RPS6KA4: variants seen among roughly 807,000 people sequenced by gnomAD.
RPS6KA4 encodes the protein ribosomal protein S6 kinase alpha-4.
In RPS6KA4, 38 loss-of-function variants were observed where a neutral mutation model predicts 89.6. The observed-to-expected ratio is 0.42, with a 90% confidence interval of 0.33 to 0.56. The LOEUF is 0.56. RPS6KA4 is among the 20% of genes least tolerant of loss of function. The pLI, the probability that RPS6KA4 is intolerant of heterozygous loss-of-function variation, is 0.07. For synonymous variants in RPS6KA4, 495 were observed against 492.8 expected, an observed-to-expected ratio of 1.00 and a Z score of -0.06; for missense variants, 873 against 1,098.8, an observed-to-expected ratio of 0.79 and a Z score of 2.90.
At chr11:64,362,148 T>G (rs1164095638) in intron 8 of RPS6KA4, 146 bp downstream of exon 8, 3 of 956,432 alleles carry the variant, frequency 3.1e-6, no homozygotes, top group Non-Finnish European at 4.6e-6. Flanking sequence ...AGGTTTCTCT[T>G]CACATCCATC....
rs372305454 is a variant in RPS6KA4, at chr11:64,361,411, G to T, written c.571-58G>T. 7.6e-6 allele frequency: 12 copies of T among 1,585,250 alleles called. No individual in the cohort carries two copies. The African/African-American group carries it at 1.1e-4, about 14-fold the overall frequency. On this transcript the variant is annotated intron_variant, in intron 5 of 16. Coordinates refer to ENST00000334205, the MANE Select transcript of RPS6KA4 (RefSeq NM_003942.3). This position sits in a 1 kb window ranked among gnomAD's most constrained non-coding sequence, Gnocchi z 4.7. ...GAGCGAGTCTTACTCTGGGCCTTGT[G>T]GGGCACTGGGGCACAGGAGAGGTTT...
In RPS6KA4 at chr11:64,359,186, C is replaced by A; in HGVS notation, c.-50C>A. On this transcript the variant is annotated 5_prime_UTR_variant, in exon 1 of 17. Transcript: ENST00000334205. ...CGCCCCGGCCGGAGCCGCCATGTAA[C>A]CGGCGCCGCCCGGAGCCCGAGCCGC... is the stretch of plus-strand genomic sequence containing the variant. 8.0e-7 allele frequency: 1 copy of A among 1,249,650 alleles called. No individual in the cohort carries two copies. Among genetic ancestry groups the A allele is most frequent in the Non-Finnish European group, 1.0e-6 (1 of 990,124 alleles). 77.4% of individuals were successfully genotyped at this position (1,249,650 alleles called of 1,614,324 possible).
At position 64,361,313 on chromosome 11, in the gene RPS6KA4, C is replaced by G; in HGVS notation, c.570+72C>G. On this transcript the variant is annotated intron_variant, in intron 5 of 16. Transcript: ENST00000334205. The surrounding 1 kb of genome is among the most constrained non-coding windows in gnomAD (Gnocchi z 4.7). Reference sequence around the variant, plus strand: ...CCTTCCTGCCTCTTCCTGCTCTGGGCCTGCATTCTGGGGCTGCAGAAGTGA... The same window carrying G: ...CCTTCCTGCCTCTTCCTGCTCTGGGGCTGCATTCTGGGGCTGCAGAAGTGA... 1 of 1,488,514 alleles carries G rather than the reference C, an allele frequency of 6.7e-7. No individual in the cohort carries two copies. Among genetic ancestry groups the G allele is most frequent in the Non-Finnish European group, 9.3e-7 (1 of 1,073,916 alleles). 92.2% of individuals were successfully genotyped at this position (1,488,514 alleles called of 1,614,324 possible).
At position 64,361,234 on chromosome 11, in the gene RPS6KA4, C is replaced by T. The variant is rs561332088; in HGVS notation, c.563C>T (p.Thr188Met). The T allele has an allele frequency of 5.6e-5, 91 of 1,613,018 alleles. No individual in the cohort carries two copies. The highest frequency in any genetic ancestry group is 1.3e-4 in the Admixed American group (8 of 59,990). The change falls in exon 5 of 17, where the codon ACG becomes ATG. Residue 188 changes from threonine (T) to methionine (M), a missense_variant. Around this residue, in one of 4 missense-constraint regions of RPS6KA4, gnomAD observed 542 missense variants for 736.4 expected, o/e 0.74. Coordinates refer to ENST00000334205, the MANE Select transcript of RPS6KA4 (RefSeq NM_003942.3). The surrounding 1 kb of genome is among the most constrained non-coding windows in gnomAD (Gnocchi z 4.7). ...TTCGGGCTGAGCAAGGAGTTCCTGACGGAGGAGGTGAGTGGAGGCCACCTC... is the reference window on the plus strand; with the variant it reads ...TTCGGGCTGAGCAAGGAGTTCCTGATGGAGGAGGTGAGTGGAGGCCACCTC... ...TDFGLSKEFL[T>M]EEKERTFSFC...
chr11:64,368,025 G>A, intron 9 of RPS6KA4, 107 bp from the exon 10 acceptor site: 1 of 1,195,602 alleles, frequency 8.4e-7, no homozygotes, highest in Non-Finnish European at 1.2e-6. Context: ...ACCCCCCACT[G>A]CCCCCTTGTC....
Position 64,369,547 on chromosome 11 carries a change from G to A in RPS6KA4, c.1530G>A (p.Leu510=). Residue 510 remains leucine (L), a synonymous_variant, in exon 13 of 17, where the codon CTG becomes CTA. Coordinates refer to ENST00000334205, the MANE Select transcript of RPS6KA4 (RefSeq NM_003942.3). ...HFSESEASQI[L]RSLVSAVSFM... ...GCGAGTCGGAAGCAAGCCAGATCCT[G>A]CGCAGCCTCGTGTCGGCCGTGAGCT... 1 of 1,608,354 alleles carries A rather than the reference G, an allele frequency of 6.2e-7. No individual in the cohort carries two copies. The highest frequency in any genetic ancestry group is 8.5e-7 in the Non-Finnish European group (1 of 1,178,010).
rs1392499706 is a variant in RPS6KA4, at chr11:64,359,194, G to A, written c.-42G>A. On this transcript the variant is annotated 5_prime_UTR_variant, in exon 1 of 17. Transcript: ENST00000334205. The stretch of plus-strand genomic sequence containing the variant: ...CCGGAGCCGCCATGTAACCGGCGCC[G>A]CCCGGAGCCCGAGCCGCGCGGGCCC... 1 of 1,266,530 alleles carries A rather than the reference G, an allele frequency of 7.9e-7. No individual in the cohort carries two copies. The highest frequency in any genetic ancestry group is 1.0e-6 in the Non-Finnish European group (1 of 998,936). The allele number at this position is 1,266,530 out of a possible 1,614,324, so 78.5% of individuals were successfully genotyped here.
rs2037029145 is a variant in RPS6KA4 at position 64,370,410 on chromosome 11, TG to T, written c.1957+28del. On this transcript the variant is annotated intron_variant, in intron 15 of 16. Coordinates refer to ENST00000334205, the MANE Select transcript of RPS6KA4 (RefSeq NM_003942.3). The surrounding 1 kb of genome is among the most constrained non-coding windows in gnomAD (Gnocchi z 4.1). ...GTGCGGAGCTGGAGGTCATAGACCA[TG>T]GTTGGGGAGGGGGACGCTGGGACAG... The T allele has an allele frequency of 1.2e-6, 2 of 1,608,380 alleles. No homozygotes were observed. Among genetic ancestry groups the T allele is most frequent in the South Asian group, 1.1e-5 (1 of 90,788 alleles).
chr11:64,370,444 C>A lies in RPS6KA4; in HGVS notation c.1957+60C>A. 6.2e-7 allele frequency: 1 copy of A among 1,606,902 alleles called. No homozygotes were observed. Among genetic ancestry groups the A allele is most frequent in the South Asian group, 1.1e-5 (1 of 90,768 alleles). On this transcript the variant is annotated intron_variant, in intron 15 of 16. Transcript: ENST00000334205. This position sits in a 1 kb window ranked among gnomAD's most constrained non-coding sequence, Gnocchi z 4.1. ...AGGGGGACGCTGGGACAGGGATGGT[C>A]ACTGGGCCAGGTGTCCTGGTTGGGG... is the stretch of plus-strand genomic sequence containing the variant.
chr11:64,360,041 C>A, intron 2 of RPS6KA4, 122 bp from the exon 3 acceptor site: 1 of 906,026 alleles, frequency 1.1e-6, no homozygotes. Context: ...GCACACCTGC[C>A]TGTTGCCCCA....
intron 4 of RPS6KA4, 111 bp downstream of exon 4, chr11:64,360,703 AGTGGTG>A: frequency 2.2e-6 from 2 of 918,234 alleles, no homozygotes; most frequent in Non-Finnish European, 3.3e-6. Context: ...CTGGGGGGCC[AGTGGTG>A]AGCTGGGTGG....
intron 16 of RPS6KA4, 60 bp from the exon 17 acceptor site, chr11:64,371,223 C>A: frequency 6.5e-7 from 1 of 1,548,814 alleles, no homozygotes; most frequent in South Asian, 1.1e-5. Flanking sequence ...GGAGGTCAAA[C>A]TAGATCTGGA....
Position 64,370,114 on chromosome 11 carries a change from G to T in RPS6KA4, c.1798-111G>T. 7.7e-6 allele frequency: 10 copies of T among 1,300,448 alleles called. No homozygotes were observed. The highest frequency in any genetic ancestry group is 5.2e-6 in the Non-Finnish European group (5 of 960,556). The allele number at this position is 1,300,448 out of a possible 1,614,324, so 80.6% of individuals were successfully genotyped here. A position where few individuals can be genotyped will look rare whatever the true frequency, so the allele number is the denominator to read the frequency against. On this transcript the variant is annotated intron_variant, in intron 14 of 16. Transcript: ENST00000334205. The surrounding 1 kb of genome is among the most constrained non-coding windows in gnomAD (Gnocchi z 4.1). ...GGTTAGAAGTCAGGGTTCACCACGC[G>T]TGGGTCTCAGGAGTGCCCCTAGTGG...
Position 64,370,517 on chromosome 11 carries a change from G to C in RPS6KA4, c.1958-46G>C, listed in dbSNP as rs532954426. ...GCTGTTACGATCTCTTTGGGGCTCA[G>C]CCTTTACGCCAGGCTCCTCCCCACA... On this transcript the variant is annotated intron_variant, in intron 15 of 16. Coordinates refer to ENST00000334205, the MANE Select transcript of RPS6KA4 (RefSeq NM_003942.3). This position sits in a 1 kb window ranked among gnomAD's most constrained non-coding sequence, Gnocchi z 4.1. 2 of 1,591,552 alleles carry C rather than the reference G, an allele frequency of 1.3e-6. No individual in the cohort carries two copies. The highest frequency in any genetic ancestry group is 1.7e-6 in the Non-Finnish European group (2 of 1,170,846).
At chr11:64,368,371 C>A in intron 10 of RPS6KA4, 97 bp from the exon 11 acceptor site, 1 of 1,545,360 alleles carries the variant, frequency 6.5e-7, no homozygotes, top group Non-Finnish European at 8.7e-7. Flanking sequence ...CAGCAAGGTC[C>A]TAAGCCTCTC....
In RPS6KA4 at chr11:64,368,557, G is replaced by A; in HGVS notation, c.1290G>A (p.Gln430=). 5 of 1,597,628 alleles carry A rather than the reference G, an allele frequency of 3.1e-6. No individual in the cohort carries two copies. The highest frequency in any genetic ancestry group is 4.3e-6 in the Non-Finnish European group (5 of 1,174,524). The part of the protein sequence containing the change: ...GSFSVCRRCR[Q]RQSGQEFAVK... ...TTTCTGTGTGTCGCCGCTGCCGCCA[G>A]CGCCAGAGCGGCCAGGAGTTCGCAG... Residue 430 remains glutamine (Q), a synonymous_variant, in exon 11 of 17, where the codon CAG becomes CAA. Transcript: ENST00000334205.
At chr11:64,368,923 C>A in intron 12 of RPS6KA4, 126 bp downstream of exon 12, 1 of 876,304 alleles carries the variant, frequency 1.1e-6, no homozygotes, top group Non-Finnish European at 1.8e-6. Flanking sequence ...CCCAAAGGGA[C>A]CAGGGAGGCG....
Position 64,361,184 on chromosome 11 carries a change from C to T in RPS6KA4, c.513C>T (p.Ser171=), listed in dbSNP as rs1401365463. Residue 171 remains serine, a synonymous_variant, in exon 5 of 17, where the codon TCC becomes TCT. Coordinates refer to ENST00000334205, the MANE Select transcript of RPS6KA4 (RefSeq NM_003942.3). The surrounding 1 kb of genome is among the most constrained non-coding windows in gnomAD (Gnocchi z 4.7). ...DLKLENVLLD[S]EGHIVLTDFG... ...AACTGGAGAATGTGCTGCTGGACTCCGAGGGCCACATTGTCCTCACGGACT... is the reference window on the plus strand; with the variant it reads ...AACTGGAGAATGTGCTGCTGGACTCTGAGGGCCACATTGTCCTCACGGACT... 2.5e-6 allele frequency: 4 copies of T among 1,613,428 alleles called. No homozygotes were observed. The highest frequency in any genetic ancestry group is 3.4e-6 in the Non-Finnish European group (4 of 1,179,990).
rs552147664 is a variant in RPS6KA4 at position 64,368,939 on chromosome 11, A to T, written c.1428+142A>T. On this transcript the variant is annotated intron_variant, in intron 12 of 16. Coordinates refer to ENST00000334205, the MANE Select transcript of RPS6KA4 (RefSeq NM_003942.3). ...CCAAAGGGACCAGGGAGGCGCAGGG[A>T]GTGGAATTTGAGGGGAGTAGGGCCT... The T allele has an allele frequency of 4.3e-5, 34 of 785,690 alleles. No homozygotes were observed. In the African/African-American group the frequency reaches 5.6e-4, roughly 13 times the overall value. The allele number at this position is 785,690 out of a possible 1,614,324, so 48.7% of individuals were successfully genotyped here.
Sources: gnomAD v4.1 joint callset for allele counts on GRCh38, gnomAD v4.1.1 for gene constraint, gnomAD v4.1.1 regional missense constraint, Gnocchi (gnomAD v3.1) non-coding constraint, MANE v1.5 for transcripts, NCBI Gene and HGNC (gene_info 2026-07-23, HGNC 2026-07-21) for gene names.